The following AFF3 variants were observed in gnomAD, a reference collection of about 807,000 sequenced individuals.
AFF3 encodes ALF transcription elongation factor 3.
In AFF3, 32 loss-of-function variants were observed where a neutral mutation model predicts 129.7. The ratio of observed to expected loss-of-function variants is 0.25; its 90% CI spans 0.19 to 0.33. The LOEUF is 0.33. Among genes scored for constraint, AFF3 ranks in the 10% least tolerant of loss-of-function variants. The pLI is 1.00. For missense variants in AFF3, 1,373 were observed against 1,592.0 expected, an observed-to-expected ratio of 0.86 and a Z score of 2.34; for synonymous variants, 644 against 635.4, an observed-to-expected ratio of 1.01 and a Z score of -0.20.
intron 11 of AFF3, among the ~76,000 whole-genome samples, chr2:99,716,780 G>T (rs1028494871): frequency 5.3e-5 from 8 of 151,912 alleles, no homozygotes; most frequent in East Asian, 1.9e-4. Context: ...ACTTTGGGGG[G>T]GCTGAGGCAG....
chr2:100,038,987 G>C (rs1030153188), intron 4 of AFF3, among the ~76,000 whole-genome samples: 2 of 152,088 alleles, frequency 1.3e-5, no homozygotes, highest in African/African-American at 4.8e-5. Flanking sequence ...GCCTCCCAAA[G>C]TGCTGAGACT....
chr2:99,999,240 G>A (rs959560001), intron 7 of AFF3, among the ~76,000 whole-genome samples: 1 of 152,136 alleles, frequency 6.6e-6, no homozygotes, highest in Non-Finnish European at 1.5e-5. Context: ...CAGTAAATAC[G>A]GTTTCCATTT....
At chr2:100,102,004 AAC>A (rs1443681105) in intron 4 of AFF3, among the ~76,000 whole-genome samples, 3 of 149,236 alleles carry the variant, frequency 2.0e-5, no homozygotes, top group Non-Finnish European at 4.5e-5. Context: ...AAAGTCATTT[AAC>A]AGTTCAAAGC....
intron 8 of AFF3, among the ~76,000 whole-genome samples, chr2:99,786,473 A>C (rs1684800814): frequency 6.6e-6 from 1 of 152,216 alleles, no homozygotes; most frequent in African/African-American, 2.4e-5. Flanking sequence ...TCACCTTTAA[A>C]ACAACAGATG....
At chr2:99,652,910 A>T (rs1034178449) in intron 12 of AFF3, among the ~76,000 whole-genome samples, 1 of 152,144 alleles carries the variant, frequency 6.6e-6, no homozygotes, top group African/African-American at 2.4e-5. Flanking sequence ...TGATAAGGAG[A>T]GCTGAGGGAG....
At chr2:100,044,793 A>G (rs1685700971) in intron 4 of AFF3, among the ~76,000 whole-genome samples, 1 of 152,022 alleles carries the variant, frequency 6.6e-6, no homozygotes. Flanking sequence ...AAAACTGTAC[A>G]ACAGTACTGT....
intron 2 of AFF3, among the ~76,000 whole-genome samples, chr2:100,119,892 A>G (rs748071789): frequency 6.6e-6 from 1 of 152,214 alleles, no homozygotes; most frequent in Non-Finnish European, 1.5e-5. Context: ...CTAACAGTGA[A>G]TAAGTCTGTA....
At chr2:99,704,503 C>T (rs1677175796) in intron 11 of AFF3, among the ~76,000 whole-genome samples, 1 of 152,148 alleles carries the variant, frequency 6.6e-6, no homozygotes, top group African/African-American at 2.4e-5. Context: ...GCTAGGCTCC[C>T]CTTGCCCACT....
At chr2:99,570,097 C>T (rs1367673227) in intron 18 of AFF3, among the ~76,000 whole-genome samples, 4 of 152,198 alleles carry the variant, frequency 2.6e-5, no homozygotes, top group African/African-American at 7.2e-5. Flanking sequence ...GGGCTGGAGC[C>T]GTCCATTCAT....
chr2:99,777,619 T>C (rs1684008355), intron 8 of AFF3, among the ~76,000 whole-genome samples: 1 of 152,194 alleles, frequency 6.6e-6, no homozygotes, highest in Admixed American at 6.5e-5. Context: ...AGATGTTATG[T>C]ACAAGGCTCT....
chr2:99,628,251 G>A (rs930320206), intron 13 of AFF3, among the ~76,000 whole-genome samples: 1 of 152,144 alleles, frequency 6.6e-6, no homozygotes, highest in Non-Finnish European at 1.5e-5. Context: ...GCAGTGGTTT[G>A]TAGTTCTCTT....
chr2:100,054,598 C>T (rs1427058910), intron 4 of AFF3, among the ~76,000 whole-genome samples: 1 of 152,236 alleles, frequency 6.6e-6, no homozygotes, highest in Non-Finnish European at 1.5e-5. Context: ...TCTCCTGCAT[C>T]TCCAGCATGC....
chr2:100,036,569 G>A (rs1168925272), intron 4 of AFF3, among the ~76,000 whole-genome samples: 1 of 136,274 alleles, frequency 7.3e-6, no homozygotes, highest in Non-Finnish European at 1.6e-5. Flanking sequence ...AATCATTAAA[G>A]CAATGAGAGA....
intron 7 of AFF3, among the ~76,000 whole-genome samples, chr2:99,849,422 G>C (rs1027176121): frequency 1.3e-5 from 2 of 152,172 alleles, no homozygotes; most frequent in South Asian, 4.1e-4. Flanking sequence ...GTGTGGCGCA[G>C]TAGGCAGGAA....
At chr2:99,619,698 C>T (rs1175368387) in intron 13 of AFF3, among the ~76,000 whole-genome samples, 1 of 152,196 alleles carries the variant, frequency 6.6e-6, no homozygotes, top group Non-Finnish European at 1.5e-5. Context: ...TCCTTACTGA[C>T]ACCCTTGGCT....
chr2:100,067,143 T>A (rs972351699), intron 4 of AFF3, among the ~76,000 whole-genome samples: 1 of 144,566 alleles, frequency 6.9e-6, no homozygotes, highest in African/African-American at 2.6e-5. Flanking sequence ...CCCCCTTACC[T>A]AGCACACTTT....
chr2:99,719,578 T>A (rs1453138003), intron 11 of AFF3, among the ~76,000 whole-genome samples: 3 of 152,218 alleles, frequency 2.0e-5, no homozygotes, highest in Admixed American at 2.0e-4. Flanking sequence ...CTTAAAGTTT[T>A]CATAGAATTT....
chr2:99,868,906 C>G (rs1486428528), intron 7 of AFF3, among the ~76,000 whole-genome samples: 1 of 152,166 alleles, frequency 6.6e-6, no homozygotes, highest in South Asian at 2.1e-4. Flanking sequence ...GATCCTCTGG[C>G]CTCAGCTTCC....
chr2:99,900,358 C>T (rs192880880), intron 7 of AFF3, among the ~76,000 whole-genome samples: 1 of 152,286 alleles, frequency 6.6e-6, no homozygotes, highest in East Asian at 1.9e-4. Flanking sequence ...GTTTGGGTCA[C>T]CTCTAAGAGG....
Sources: allele counts gnomAD v4.1 joint callset (sites outside exome capture counted in the v4.1 genomes callset), GRCh38; gene constraint gnomAD v4.1.1; transcripts MANE v1.5; gene names NCBI Gene and HGNC (gene_info 2026-07-23, HGNC 2026-07-21).